Variants in P2RY14 observed in about 807,000 individuals in gnomAD.
P2RY14 encodes purinergic receptor P2Y14.
In P2RY14, 2 loss-of-function variants were observed where a neutral mutation model predicts 0.9. The ratio of observed to expected loss-of-function variants is 2.16; its 90% CI spans 0.88 to 6.79. The LOEUF is 6.79. Among genes scored for constraint, P2RY14 ranks in the 30% most tolerant of loss-of-function variants. The probability of loss-of-function intolerance (pLI) is 0.05; values close to 1 mark genes in which losing one functional copy is unlikely to be tolerated. For missense variants in P2RY14, 378 were observed against 400.1 expected (o/e 0.94, Z 0.47); for synonymous variants, 158 against 147.2 (o/e 1.07, Z -0.53).
intron 1 of P2RY14, among the ~76,000 whole-genome samples, chr3:151,235,013 G>A (rs757307893): frequency 2.0e-5 from 3 of 152,200 alleles, no homozygotes; most frequent in African/African-American, 4.8e-5. Flanking sequence ...AAGCTCAGGC[G>A]TGTTTTTTTG....
chr3:151,274,517 A>G (rs1035205983), intron 1 of P2RY14, among the ~76,000 whole-genome samples: 1 of 152,244 alleles, frequency 6.6e-6, no homozygotes, highest in African/African-American at 2.4e-5. Context: ...AAGAACATTC[A>G]ACACTAAAGG....
chr3:151,267,023 T>C (rs1739972235), intron 1 of P2RY14, among the ~76,000 whole-genome samples: 1 of 152,226 alleles, frequency 6.6e-6, no homozygotes, highest in South Asian at 2.1e-4. Context: ...ATTACATCTA[T>C]ACTGTAAAGT....
At chr3:151,246,927 A>G (rs192910841) in intron 1 of P2RY14, among the ~76,000 whole-genome samples, 95 of 152,338 alleles carry the variant, frequency 6.2e-4, no homozygotes, top group Middle Eastern at 3.4e-3. Context: ...TTACAAGAAA[A>G]AAACAAACAA....
chr3:151,247,761 T>TAA (rs71138490), intron 1 of P2RY14, among the ~76,000 whole-genome samples: 2,775 of 144,142 alleles, frequency 0.019, 53 homozygotes, highest in Middle Eastern at 0.04. Flanking sequence ...TAATGTATAA[T>TAA]AAAAAAAAAA....
intron 1 of P2RY14, among the ~76,000 whole-genome samples, chr3:151,277,367 A>C (rs990068990): frequency 7.2e-5 from 11 of 152,184 alleles, no homozygotes; most frequent in African/African-American, 2.7e-4. Flanking sequence ...AAAATATGCC[A>C]TTTTGGTATT....
intron 1 of P2RY14, among the ~76,000 whole-genome samples, chr3:151,253,088 A>G (rs1189964261): frequency 6.6e-6 from 1 of 152,172 alleles, no homozygotes; most frequent in Non-Finnish European, 1.5e-5. Flanking sequence ...CTCTTGGGAA[A>G]TTGTAAGGAA....
intron 1 of P2RY14, among the ~76,000 whole-genome samples, chr3:151,245,083 T>G (rs1735107515): frequency 6.6e-6 from 1 of 152,152 alleles, no homozygotes; most frequent in Non-Finnish European, 1.5e-5. Context: ...AAGTTGAATC[T>G]CTGAATAGAC....
intron 1 of P2RY14, among the ~76,000 whole-genome samples, chr3:151,233,137 T>C (rs574224149): frequency 6.6e-6 from 1 of 152,230 alleles, no homozygotes; most frequent in African/African-American, 2.4e-5. Flanking sequence ...CCCCTGAACA[T>C]CTCTAGTTTC....
chr3:151,221,064 A>G (rs1249316783), intron 1 of P2RY14, among the ~76,000 whole-genome samples: 1 of 152,200 alleles, frequency 6.6e-6, no homozygotes, highest in African/African-American at 2.4e-5. Context: ...ACTTGTTGGG[A>G]AATGGAGCAA....
chr3:151,232,170 C>T (rs1332695882), intron 1 of P2RY14, among the ~76,000 whole-genome samples: 1 of 152,056 alleles, frequency 6.6e-6, no homozygotes, highest in Non-Finnish European at 1.5e-5. Context: ...GTTTCTTGTT[C>T]TATTCTTGGC....
chr3:151,256,183 G>A (rs1401099962), intron 1 of P2RY14, among the ~76,000 whole-genome samples: 3 of 152,124 alleles, frequency 2.0e-5, no homozygotes, highest in Non-Finnish European at 4.4e-5. Context: ...GGCTCTTTTA[G>A]ATACATAGCA....
chr3:151,273,998 G>A (rs1415505401), intron 1 of P2RY14, among the ~76,000 whole-genome samples: 3 of 152,056 alleles, frequency 2.0e-5, no homozygotes, highest in African/African-American at 7.2e-5. Flanking sequence ...AAATCGTGTG[G>A]CCTCTAAAGC....
At chr3:151,214,383 C>T (rs1281757987) in intron 2 of P2RY14, 43 bp from the exon 3 acceptor site, 2 of 1,322,168 alleles carry the variant, frequency 1.5e-6, no homozygotes, top group Non-Finnish European at 2.1e-6. Context: ...GCACTTATGG[C>T]CTCCAAGACA....
intron 1 of P2RY14, among the ~76,000 whole-genome samples, chr3:151,259,756 C>T (rs1287914609): frequency 1.3e-5 from 2 of 152,168 alleles, no homozygotes; most frequent in African/African-American, 4.8e-5. Context: ...TCCACTTAAA[C>T]GAGCTCATAG....
At chr3:151,243,499 T>G (rs1734687080) in intron 1 of P2RY14, among the ~76,000 whole-genome samples, 1 of 152,174 alleles carries the variant, frequency 6.6e-6, no homozygotes, top group African/African-American at 2.4e-5. Flanking sequence ...ACCTGGAATT[T>G]CATATCCAGC....
chr3:151,222,054 C>T (rs545804343), intron 1 of P2RY14, among the ~76,000 whole-genome samples: 2 of 152,318 alleles, frequency 1.3e-5, no homozygotes, highest in East Asian at 1.9e-4. Flanking sequence ...CAAAGGAGAT[C>T]GTTTGGGAAG....
At chr3:151,226,887 A>G (rs919552988) in intron 1 of P2RY14, among the ~76,000 whole-genome samples, 7 of 152,218 alleles carry the variant, frequency 4.6e-5, no homozygotes, top group Admixed American at 3.9e-4. Flanking sequence ...GGTGATTACA[A>G]CAGGTAACGT....
chr3:151,263,381 G>A (rs547413723), intron 1 of P2RY14, among the ~76,000 whole-genome samples: 1 of 152,288 alleles, frequency 6.6e-6, no homozygotes, highest in East Asian at 1.9e-4. Flanking sequence ...GAACCAGAAG[G>A]AAATGTACAA....
chr3:151,242,351 C>A (rs1309647294), intron 1 of P2RY14, among the ~76,000 whole-genome samples: 1 of 152,248 alleles, frequency 6.6e-6, no homozygotes, highest in East Asian at 1.9e-4. Flanking sequence ...ACAGCAGTAA[C>A]CTCTGCAGAC....
Sources: gnomAD v4.1 joint callset for allele counts (sites outside exome capture counted in the v4.1 genomes callset) on GRCh38, gnomAD v4.1.1 for gene constraint, MANE v1.5 for transcripts, NCBI Gene and HGNC (gene_info 2026-07-23, HGNC 2026-07-21) for gene names.